COLEC12: variants seen among roughly 807,000 people sequenced by gnomAD.
The protein encoded by COLEC12 is collectin-12.
Under a neutral mutation model 71.1 loss-of-function variants are expected in COLEC12, and 33 were observed. The observed-to-expected ratio is 0.46, with a 90% CI of 0.35 to 0.62. COLEC12 has a LOEUF of 0.62. Ranked by LOEUF, COLEC12 falls within the 20% of genes least tolerant of loss-of-function variation. The pLI is 0.00. For synonymous variants in COLEC12, 350 were observed against 353.0 expected (o/e 0.99, Z 0.10); for missense variants, 765 against 916.1 (o/e 0.84, Z 2.13).
intron 2 of COLEC12, among the ~76,000 whole-genome samples, chr18:369,878 A>G (rs62087966): frequency 0.018 from 2,751 of 152,310 alleles, 44 homozygotes; most frequent in Admixed American, 0.028. Flanking sequence ...TCAGCCTAGG[A>G]CAGGCAGCTA....
chr18:350,459 C>T (rs1443167036), intron 3 of COLEC12, among the ~76,000 whole-genome samples: 3 of 152,258 alleles, frequency 2.0e-5, no homozygotes, highest in Non-Finnish European at 2.9e-5. Flanking sequence ...TAAATAAAAG[C>T]TTCAGTTCTT....
At chr18:491,404 A>G (rs1917617265) in intron 1 of COLEC12, among the ~76,000 whole-genome samples, 1 of 152,246 alleles carries the variant, frequency 6.6e-6, no homozygotes, top group South Asian at 2.1e-4. Flanking sequence ...ACCTTGTAAT[A>G]GCAATAAGCT....
intron 2 of COLEC12, among the ~76,000 whole-genome samples, chr18:454,792 C>T (rs962676761): frequency 6.6e-6 from 1 of 152,184 alleles, no homozygotes; most frequent in African/African-American, 2.4e-5. Context: ...TAGTTTGTTA[C>T]CTGTCTTCTC....
At chr18:335,310 C>T (rs1914094230) in intron 5 of COLEC12, 80 bp from the exon 6 acceptor site, 1 of 1,468,514 alleles carries the variant, frequency 6.8e-7, no homozygotes, top group Non-Finnish European at 9.1e-7. Flanking sequence ...CTTATAAAAT[C>T]TCCAAATTAA....
Position 326,991 on chromosome 18 carries a change from GCT to G in COLEC12, c.2063+4675_2063+4676del, listed in dbSNP as rs200248673. On this transcript the variant is annotated intron_variant, in intron 8 of 9. Coordinates refer to ENST00000400256, the MANE Select transcript of COLEC12 (RefSeq NM_130386.3). ...CCAATGACGACTGCTCACTCATACT[GCT>G]GCCCCCACACTCCAGAAAAGATCCT... Among the ~76,000 whole-genome samples the G allele has an allele frequency of 4.7e-3, 718 of 152,248 alleles. 3 individuals carry two copies. Among genetic ancestry groups the G allele is most frequent in the Non-Finnish European group, 7.1e-3 (486 of 68,022 alleles).
At chr18:395,010 T>C (rs1160754155) in intron 2 of COLEC12, among the ~76,000 whole-genome samples, 1 of 152,166 alleles carries the variant, frequency 6.6e-6, no homozygotes, top group Non-Finnish European at 1.5e-5. Context: ...ATGAGTACAG[T>C]GATAGGAATT....
intron 2 of COLEC12, among the ~76,000 whole-genome samples, chr18:452,824 T>C (rs972469694): frequency 2.0e-5 from 3 of 152,262 alleles, no homozygotes; most frequent in Non-Finnish European, 4.4e-5. Flanking sequence ...CAAGTGCCTA[T>C]GAGCTTTGGC....
chr18:389,598 T>TA (rs1915420278), intron 2 of COLEC12, among the ~76,000 whole-genome samples: 1 of 151,564 alleles, frequency 6.6e-6, no homozygotes, highest in South Asian at 2.1e-4. Context: ...GCAATTTTTT[T>TA]AAAAAAAGAT....
chr18:397,240 C>G (rs184961669), intron 2 of COLEC12, among the ~76,000 whole-genome samples: 3 of 152,250 alleles, frequency 2.0e-5, no homozygotes, highest in Admixed American at 2.0e-4. Context: ...GGCCACCACC[C>G]CTACTTTTGA....
chr18:382,975 A>G (rs1915266425), intron 2 of COLEC12, among the ~76,000 whole-genome samples: 1 of 152,044 alleles, frequency 6.6e-6, no homozygotes, highest in Non-Finnish European at 1.5e-5. Context: ...AAATGCAATG[A>G]TTTTTTGGGG....
At chr18:497,748 T>C (rs1917740144) in intron 1 of COLEC12, among the ~76,000 whole-genome samples, 1 of 152,244 alleles carries the variant, frequency 6.6e-6, no homozygotes, top group Admixed American at 6.5e-5. Flanking sequence ...ACAAGGCTTG[T>C]CGTTGCTTTC....
At chr18:372,364 A>G (rs1915019058) in intron 2 of COLEC12, among the ~76,000 whole-genome samples, 1 of 152,176 alleles carries the variant, frequency 6.6e-6, no homozygotes, top group African/African-American at 2.4e-5. Context: ...GTGCAGAAGT[A>G]GGGGCAAAAT....
intron 2 of COLEC12, among the ~76,000 whole-genome samples, chr18:377,327 G>T (rs558167011): frequency 6.6e-6 from 1 of 152,232 alleles, no homozygotes; most frequent in Non-Finnish European, 1.5e-5. Context: ...GTGTGAGCCC[G>T]AGGGGTCTGA....
intron 2 of COLEC12, among the ~76,000 whole-genome samples, chr18:406,904 C>T (rs927078264): frequency 3.3e-5 from 5 of 152,262 alleles, no homozygotes; most frequent in East Asian, 3.9e-4. Context: ...ACCTCAGGAG[C>T]GATGACGGGA....
At chr18:443,838 T>C (rs1916593648) in intron 2 of COLEC12, among the ~76,000 whole-genome samples, 1 of 152,108 alleles carries the variant, frequency 6.6e-6, no homozygotes, top group Non-Finnish European at 1.5e-5. Flanking sequence ...TTGGTGTTAT[T>C]GTTCTTCTTG....
chr18:366,375 C>T (rs1914857010), intron 2 of COLEC12, among the ~76,000 whole-genome samples: 1 of 152,132 alleles, frequency 6.6e-6, no homozygotes. Flanking sequence ...CATTTCCCCT[C>T]TGGGCTGTGA....
chr18:375,865 T>C (rs1016753958), intron 2 of COLEC12, among the ~76,000 whole-genome samples: 1 of 152,222 alleles, frequency 6.6e-6, no homozygotes, highest in Non-Finnish European at 1.5e-5. Flanking sequence ...AATGAATTAA[T>C]GCCTGTAAAA....
chr18:434,776 T>A (rs1162465213), intron 2 of COLEC12, among the ~76,000 whole-genome samples: 1 of 152,274 alleles, frequency 6.6e-6, no homozygotes, highest in Non-Finnish European at 1.5e-5. Flanking sequence ...GCTCTTTTTT[T>A]CCTTACAGAC....
chr18:385,291 C>T (rs141589564), intron 2 of COLEC12, among the ~76,000 whole-genome samples: 2 of 151,214 alleles, frequency 1.3e-5, no homozygotes, highest in East Asian at 3.9e-4. Flanking sequence ...TTAGACCCAA[C>T]TCTAAACAAG....
Sources: allele counts gnomAD v4.1 joint callset (sites outside exome capture counted in the v4.1 genomes callset), GRCh38; gene constraint gnomAD v4.1.1; transcripts MANE v1.5; gene names NCBI Gene and HGNC (gene_info 2026-07-23, HGNC 2026-07-21).